Variants in COL24A1 observed in about 807,000 individuals in gnomAD.
COL24A1 encodes the protein collagen alpha-1(XXIV) chain.
Under a neutral mutation model 253.9 loss-of-function variants are expected in COL24A1, and 224 were observed. The ratio of observed to expected loss-of-function variants is 0.88; its 90% CI spans 0.79 to 0.99. The LOEUF is 0.99. COL24A1 is among the 50% of genes least tolerant of loss of function. The probability of loss-of-function intolerance (pLI) is 0.00; values close to 1 mark genes in which losing one functional copy is unlikely to be tolerated. For synonymous variants in COL24A1, 685 were observed against 673.7 expected (o/e 1.02, Z -0.26); for missense variants, 2,131 against 2,068.5 (o/e 1.03, Z -0.59).
chr1:85,762,976 G>A (rs1420453878), intron 53 of COL24A1, among the ~76,000 whole-genome samples: 2 of 152,028 alleles, frequency 1.3e-5, no homozygotes, highest in Non-Finnish European at 2.9e-5. Context: ...GGATAGGGCA[G>A]GGCAACTCCA....
intron 19 of COL24A1, among the ~76,000 whole-genome samples, chr1:85,989,682 TTTAC>T (rs1694062555): frequency 6.6e-6 from 1 of 152,142 alleles, no homozygotes; most frequent in South Asian, 2.1e-4. Context: ...ATCTCTCTTC[TTTAC>T]TCTCTACCAC....
chr1:86,112,515 G>A, intron 5 of COL24A1, 52 bp downstream of exon 5: 1 of 1,494,784 alleles, frequency 6.7e-7, no homozygotes, highest in African/African-American at 1.4e-5. Context: ...TTAATATCAG[G>A]AAAATCAGGT....
At chr1:86,002,624 C>T (rs1042941036) in intron 19 of COL24A1, among the ~76,000 whole-genome samples, 2 of 152,158 alleles carry the variant, frequency 1.3e-5, no homozygotes, top group African/African-American at 2.4e-5. Context: ...CAATCCACTA[C>T]ATACGTGATG....
At chr1:85,800,122 T>C (rs746528182) in intron 47 of COL24A1, among the ~76,000 whole-genome samples, 2 of 152,184 alleles carry the variant, frequency 1.3e-5, no homozygotes, top group Non-Finnish European at 2.9e-5. Context: ...TGTTGTCTAA[T>C]TCATACTCAG....
rs1329781528 is a variant in COL24A1, at chr1:86,017,326, G to A, written c.2257-122C>T. 6.6e-6 allele frequency: 6 copies of A among 907,214 alleles called. No individual in the cohort carries two copies. In the Admixed American group the frequency reaches 2.2e-4, roughly 34 times the overall value. The allele number at this position is 907,214 out of a possible 1,614,324, so 56.2% of individuals were successfully genotyped here. ...TTATATTATCATGTCAAACAAGGTTGTAATGACTTTTTAGAAAAATTTGTA... is the reference window on the plus strand; with the variant it reads ...TTATATTATCATGTCAAACAAGGTTATAATGACTTTTTAGAAAAATTTGTA... On this transcript the variant is annotated intron_variant, in intron 18 of 59. Transcript: ENST00000370571.
intron 4 of COL24A1, among the ~76,000 whole-genome samples, chr1:86,114,151 A>G (rs1489141837): frequency 6.6e-6 from 1 of 152,178 alleles, no homozygotes; most frequent in Non-Finnish European, 1.5e-5. Flanking sequence ...AGGGAGAGAA[A>G]AAATGTAAAG....
In COL24A1 at chr1:85,849,424, A is replaced by T. The variant is rs761259781; in HGVS notation, c.3301-18T>A. ...TCAGGTCCCTAAAATATTCAATATAAAAAAGGAAATAAATGGTTAAAGAAA... is the reference window on the plus strand; with the variant it reads ...TCAGGTCCCTAAAATATTCAATATATAAAAGGAAATAAATGGTTAAAGAAA... On this transcript the variant is annotated intron_variant, in intron 37 of 59. Coordinates refer to ENST00000370571, the MANE Select transcript of COL24A1 (RefSeq NM_152890.7). 1.1e-5 allele frequency: 18 copies of T among 1,590,810 alleles called. 1 individual carries two copies. In the South Asian group the frequency reaches 1.9e-4, roughly 17 times the overall value.
At chr1:85,946,111 T>C (rs998572355) in intron 24 of COL24A1, among the ~76,000 whole-genome samples, 1 of 152,164 alleles carries the variant, frequency 6.6e-6, no homozygotes, top group Non-Finnish European at 1.5e-5. Flanking sequence ...CTCTGAGAGT[T>C]TGGAATTTTG....
At chr1:86,066,480 G>A (rs1701498960) in intron 7 of COL24A1, among the ~76,000 whole-genome samples, 1 of 151,632 alleles carries the variant, frequency 6.6e-6, no homozygotes, top group Non-Finnish European at 1.5e-5. Context: ...TCCTGACCTC[G>A]TGATCTGCCC....
intron 24 of COL24A1, among the ~76,000 whole-genome samples, chr1:85,913,136 A>G (rs1685535621): frequency 6.6e-6 from 1 of 152,168 alleles, no homozygotes; most frequent in Non-Finnish European, 1.5e-5. Context: ...TGTGGTTTTT[A>G]AGTGTAAGAG....
At chr1:85,927,038 T>C (rs1003503566) in intron 24 of COL24A1, among the ~76,000 whole-genome samples, 1 of 152,082 alleles carries the variant, frequency 6.6e-6, no homozygotes, top group Non-Finnish European at 1.5e-5. Flanking sequence ...TTTGGATATG[T>C]TTGCCAAAGG....
chr1:85,965,809 T>C (rs1691515330), intron 22 of COL24A1, among the ~76,000 whole-genome samples: 1 of 152,064 alleles, frequency 6.6e-6, no homozygotes, highest in Non-Finnish European at 1.5e-5. Flanking sequence ...ACAGCTAAAA[T>C]GTGTGTAGTA....
rs749607547 is a variant in COL24A1, at chr1:85,907,225, G to A, written c.2747C>T (p.Pro916Leu). ...TCCTTTAGGACCTTGACTCCCAGGT[G>A]GTCCTCTTGCCCCCACATGACCCTA... ...GLPGHVGARG[P>L]PGSQGPKGQR... Residue 916 changes from proline (P) to leucine (L), a missense_variant, in exon 28 of 60, where the codon CCA becomes CTA. Transcript: ENST00000370571. The A allele has an allele frequency of 1.9e-6, 3 of 1,611,174 alleles. No homozygotes were observed. The highest frequency in any genetic ancestry group is 2.7e-5 in the African/African-American group (2 of 74,884).
At chr1:85,979,043 A>G (rs1382780291) in intron 20 of COL24A1, among the ~76,000 whole-genome samples, 1 of 152,168 alleles carries the variant, frequency 6.6e-6, no homozygotes, top group Non-Finnish European at 1.5e-5. Flanking sequence ...GGAACCCTCA[A>G]AACCATACAA....
chr1:86,120,102 A>T (rs999598439), intron 3 of COL24A1, among the ~76,000 whole-genome samples: 74 of 152,214 alleles, frequency 4.9e-4, no homozygotes, highest in African/African-American at 1.8e-3. Context: ...TAGAAAGCTG[A>T]AACTGGATCC....
In COL24A1 at chr1:86,115,621, G is replaced by A. The variant is rs192248822; in HGVS notation, c.1492-243C>T. Among the ~76,000 whole-genome samples the A allele has an allele frequency of 3.5e-3, 529 of 152,304 alleles. 3 individuals are homozygous for A. Among genetic ancestry groups the A allele is most frequent in the African/African-American group, 0.012 (514 of 41,574 alleles). On this transcript the variant is annotated intron_variant, in intron 3 of 59. Coordinates refer to ENST00000370571, the MANE Select transcript of COL24A1 (RefSeq NM_152890.7). Reference sequence around the variant, plus strand: ...TCTATGACTTATGGTTACAGCCACCGTATCTGGTTTTTAAAGGGACCACAA... The same window carrying A: ...TCTATGACTTATGGTTACAGCCACCATATCTGGTTTTTAAAGGGACCACAA...
intron 7 of COL24A1, among the ~76,000 whole-genome samples, chr1:86,082,286 A>G (rs539107210): frequency 6.6e-6 from 1 of 152,102 alleles, no homozygotes; most frequent in Non-Finnish European, 1.5e-5. Context: ...TAGTCCTTCA[A>G]TACTCCTCAA....
At chr1:85,875,409 T>A in intron 33 of COL24A1, 79 bp from the exon 34 acceptor site, 1 of 1,106,186 alleles carries the variant, frequency 9.0e-7, no homozygotes, top group Non-Finnish European at 1.4e-6. Context: ...AACTCAAGGG[T>A]GAGATACCTG....
rs1669360786 is a variant in COL24A1 at position 85,783,608 on chromosome 1, A to G, written c.4222-50T>C. On this transcript the variant is annotated intron_variant, in intron 50 of 59. Transcript: ENST00000370571. ...AGATAAAATTTGTAGCTCTATATGAACATTTTACAAAACTATATAAATCTA... is the reference window on the plus strand; with the variant it reads ...AGATAAAATTTGTAGCTCTATATGAGCATTTTACAAAACTATATAAATCTA... 2.7e-6 allele frequency: 4 copies of G among 1,487,628 alleles called. No individual in the cohort carries two copies. The East Asian group carries it at 9.1e-5, about 34-fold the overall frequency. 92.2% of individuals were successfully genotyped at this position (1,487,628 alleles called of 1,614,324 possible).
Sources: gnomAD v4.1 joint callset for allele counts (sites outside exome capture counted in the v4.1 genomes callset) on GRCh38, gnomAD v4.1.1 for gene constraint, MANE v1.5 for transcripts, NCBI Gene and HGNC (gene_info 2026-07-23, HGNC 2026-07-21) for gene names.